Variants in FAM13A observed in about 807,000 individuals in gnomAD.
FAM13A encodes protein FAM13A.
A neutral mutation model predicts 129.6 loss-of-function variants in FAM13A; 76 were observed. The ratio of observed to expected loss-of-function variants is 0.59; its 90% confidence interval spans 0.49 to 0.71. The LOEUF (loss-of-function observed/expected upper bound fraction) is 0.71. Among genes scored for constraint, FAM13A ranks in the 30% least tolerant of loss-of-function variants. The pLI, the probability that FAM13A is intolerant of heterozygous loss-of-function variation, is 0.00. For missense variants in FAM13A, 1,108 were observed against 1,249.3 expected (o/e 0.89, Z 1.70); for synonymous variants, 443 against 449.9 (o/e 0.98, Z 0.20).
At chr4:89,016,853 T>C in intron 3 of FAM13A, among the ~76,000 whole-genome samples, 1 of 152,168 alleles carries the variant, frequency 6.6e-6, no homozygotes, top group Non-Finnish European at 1.5e-5. Context: ...CAGGCTGATC[T>C]CAAACTCCTG....
At chr4:88,994,886 T>C (rs933360200) in intron 3 of FAM13A, among the ~76,000 whole-genome samples, 3 of 152,182 alleles carry the variant, frequency 2.0e-5, no homozygotes, top group Non-Finnish European at 2.9e-5. Context: ...GCTTTATTTT[T>C]TGATTTATTC....
chr4:88,798,672 A>G (rs767178896), intron 8 of FAM13A, among the ~76,000 whole-genome samples: 11 of 152,214 alleles, frequency 7.2e-5, no homozygotes, highest in Non-Finnish European at 1.2e-4. Context: ...GACTTTTGAC[A>G]TGGCTTTTCT....
intron 8 of FAM13A, among the ~76,000 whole-genome samples, chr4:88,802,505 T>G (rs1727690776): frequency 6.6e-6 from 1 of 152,180 alleles, no homozygotes; most frequent in Non-Finnish European, 1.5e-5. Flanking sequence ...GTGTGTCTAT[T>G]TATAACAGCC....
At chr4:88,846,595 C>T (rs544597749) in intron 7 of FAM13A, among the ~76,000 whole-genome samples, 19 of 152,326 alleles carry the variant, frequency 1.2e-4, no homozygotes, top group African/African-American at 4.3e-4. Flanking sequence ...TTTAGCATTT[C>T]GTAATCAAGT....
chr4:88,899,874 C>T (rs1235232083), intron 6 of FAM13A, among the ~76,000 whole-genome samples: 2 of 151,938 alleles, frequency 1.3e-5, no homozygotes, highest in African/African-American at 4.8e-5. Context: ...TGCAAAGAAG[C>T]TAAGAATCAT....
intron 2 of FAM13A, among the ~76,000 whole-genome samples, chr4:89,021,184 A>T (rs1257352535): frequency 6.6e-6 from 1 of 152,218 alleles, no homozygotes; most frequent in Non-Finnish European, 1.5e-5. Flanking sequence ...ATAAGACAAG[A>T]TCCTTGCCTT....
Position 89,057,111 on chromosome 4 carries a change from T to G in FAM13A, c.-147A>C. 6.8e-7 allele frequency: 1 copy of G among 1,462,638 alleles called. No individual in the cohort carries two copies. Among genetic ancestry groups the G allele is most frequent in the African/African-American group, 1.4e-5 (1 of 70,048 alleles). 90.6% of individuals were successfully genotyped at this position (1,462,638 alleles called of 1,614,324 possible). Reference sequence around the variant, plus strand: ...GGCCCCAAGGTAAGCGAAGAGCAGCTTCTAACATTTTAGGAAGAGTGGTTT... The same window carrying G: ...GGCCCCAAGGTAAGCGAAGAGCAGCGTCTAACATTTTAGGAAGAGTGGTTT... On this transcript the variant is annotated 5_prime_UTR_variant, in exon 1 of 24. Transcript: ENST00000264344.
At chr4:88,885,621 C>A (rs1383799077) in intron 6 of FAM13A, among the ~76,000 whole-genome samples, 1 of 152,066 alleles carries the variant, frequency 6.6e-6, no homozygotes, top group Non-Finnish European at 1.5e-5. Flanking sequence ...GTCCAAGAAC[C>A]CAAAAGCATA....
intron 4 of FAM13A, among the ~76,000 whole-genome samples, chr4:88,986,909 T>C (rs966988228): frequency 2.0e-5 from 3 of 152,234 alleles, no homozygotes; most frequent in Admixed American, 6.5e-5. Context: ...TTTCTTTCTT[T>C]ATTTCCTTGC....
At chr4:88,844,788 C>T (rs186696424) in intron 7 of FAM13A, among the ~76,000 whole-genome samples, 187 of 152,124 alleles carry the variant, frequency 1.2e-3, no homozygotes, top group African/African-American at 4.0e-3. Flanking sequence ...AGATGGTAAG[C>T]GGTGAGGAAG....
At chr4:89,035,412 C>A (rs576447064) in intron 1 of FAM13A, among the ~76,000 whole-genome samples, 5 of 149,426 alleles carry the variant, frequency 3.3e-5, no homozygotes, top group African/African-American at 1.2e-4. Flanking sequence ...TTAGCTACTT[C>A]CATTGGGATA....
intron 10 of FAM13A, among the ~76,000 whole-genome samples, chr4:88,781,931 G>A (rs950656872): frequency 4.6e-4 from 69 of 150,898 alleles, no homozygotes; most frequent in Non-Finnish European, 8.3e-4. Context: ...CATGGCACAT[G>A]TATACATATG....
At chr4:88,960,228 G>A (rs957658518) in intron 4 of FAM13A, among the ~76,000 whole-genome samples, 2 of 152,232 alleles carry the variant, frequency 1.3e-5, no homozygotes, top group Middle Eastern at 3.4e-3. Flanking sequence ...AAATCCGTCA[G>A]GAAAATAATC....
chr4:88,773,280 G>A (rs188175377), intron 11 of FAM13A, among the ~76,000 whole-genome samples: 4 of 152,220 alleles, frequency 2.6e-5, no homozygotes, highest in Non-Finnish European at 4.4e-5. Context: ...CTGCTACCTC[G>A]TTTTTCTTCC....
chr4:88,987,311 T>A (rs902979911), intron 4 of FAM13A, among the ~76,000 whole-genome samples: 1 of 152,184 alleles, frequency 6.6e-6, no homozygotes, highest in African/African-American at 2.4e-5. Context: ...GGATTTTCAA[T>A]AGACAATCAA....
At chr4:88,922,796 A>G (rs984423470) in intron 5 of FAM13A, among the ~76,000 whole-genome samples, 8 of 152,318 alleles carry the variant, frequency 5.3e-5, no homozygotes, top group Non-Finnish European at 1.0e-4. Context: ...AAATTGATAG[A>G]CCGCTAGCAG....
chr4:88,778,755 G>A (rs544824777), intron 11 of FAM13A, among the ~76,000 whole-genome samples: 3 of 152,300 alleles, frequency 2.0e-5, no homozygotes, highest in East Asian at 3.9e-4. Flanking sequence ...TAAAGGAGGG[G>A]TCCTTACAAT....
chr4:88,737,529 G>C lies in FAM13A; in HGVS notation c.2589C>G (p.Ser863Arg), dbSNP rs1311253567. Residue 863 changes from serine (S) to arginine (R), a missense_variant, in exon 21 of 24, where the codon AGC (serine) becomes AGG (arginine). Physicochemically the swap from Ser to Arg is moderately radical, Grantham distance 110. Around this residue, in one of 3 missense-constraint regions of FAM13A, gnomAD observed 529 missense variants for 621.2 expected, o/e 0.85. Transcript: ENST00000264344. The part of the protein sequence containing the change: ...IIGSPSSKRR[S>R]PLLQPIIEGE... ...CCTCGATAATTGGCTGCAGCAAAGG[G>C]CTTCTCCGCTTGCTGGAGGGGGAAC... 6.2e-7 allele frequency: 1 copy of C among 1,613,936 alleles called. No individual in the cohort carries two copies. Among genetic ancestry groups the C allele is most frequent in the East Asian group, 2.2e-5 (1 of 44,894 alleles).
chr4:88,912,403 C>T (rs560141493), intron 5 of FAM13A, among the ~76,000 whole-genome samples: 25 of 152,230 alleles, frequency 1.6e-4, no homozygotes, highest in African/African-American at 5.8e-4. Context: ...TGGACTTGCA[C>T]CATCAGCTTC....
Sources: allele counts gnomAD v4.1 joint callset (sites outside exome capture counted in the v4.1 genomes callset), GRCh38; gene constraint gnomAD v4.1.1; regional missense constraint gnomAD v4.1.1; transcripts MANE v1.5; gene names NCBI Gene and HGNC (gene_info 2026-07-23, HGNC 2026-07-21).